The following MIS18BP1 variants were observed in gnomAD, a reference collection of about 807,000 sequenced individuals.
MIS18BP1 encodes the protein mis18-binding protein 1.
In MIS18BP1, 72 loss-of-function variants were observed where a neutral mutation model predicts 116.1. That is an observed-to-expected ratio of 0.62 (90% CI 0.51 to 0.75). MIS18BP1 has a LOEUF of 0.75. Ranked by LOEUF, MIS18BP1 falls within the 30% of genes least tolerant of loss-of-function variation. MIS18BP1 has a pLI of 0.00. For missense variants in MIS18BP1, 1,363 were observed against 1,303.2 expected, an observed-to-expected ratio of 1.05 and a Z score of -0.71; for synonymous variants, 386 against 427.0, an observed-to-expected ratio of 0.90 and a Z score of 1.18.
intron 13 of MIS18BP1, among the ~76,000 whole-genome samples, chr14:45,214,442 A>G (rs574005342): frequency 1.3e-5 from 2 of 152,072 alleles, no homozygotes; most frequent in African/African-American, 2.4e-5. Flanking sequence ...TCTCCCCACT[A>G]TTACCCTACT....
intron 13 of MIS18BP1, among the ~76,000 whole-genome samples, chr14:45,212,166 G>C (rs1890691826): frequency 6.6e-6 from 1 of 152,122 alleles, no homozygotes; most frequent in Admixed American, 6.6e-5. Flanking sequence ...TCTTAACTGG[G>C]GATTTGTTTG....
At position 45,219,632 on chromosome 14, in the gene MIS18BP1, A is replaced by C. The variant is rs532780593; in HGVS notation, c.2670-1178T>G. On this transcript the variant is annotated intron_variant, in intron 11 of 16. Transcript: ENST00000310806. The stretch of plus-strand genomic sequence containing the variant: ...TAAAATTCTCCAAAATTTAACAATC[A>C]GCTCTTGTGAACAGCTACCAGCTGA... Among the ~76,000 whole-genome samples the C allele has an allele frequency of 4.0e-5, 6 of 151,610 alleles. No individual in the cohort carries two copies. In the East Asian group the frequency reaches 1.2e-3, roughly 29 times the overall value.
intron 13 of MIS18BP1, among the ~76,000 whole-genome samples, chr14:45,213,092 C>T (rs961518680): frequency 3.9e-5 from 6 of 152,170 alleles, no homozygotes; most frequent in Non-Finnish European, 7.3e-5. Flanking sequence ...AAAATGGAGA[C>T]GGAGTCTCCC....
chr14:45,205,653 C>T (rs1431010738), intron 15 of MIS18BP1, among the ~76,000 whole-genome samples: 1 of 151,998 alleles, frequency 6.6e-6, no homozygotes, highest in African/African-American at 2.4e-5. Flanking sequence ...AATTAAGTAG[C>T]TAAATCTGAA....
At chr14:45,222,332 T>C (rs1209029305) in intron 11 of MIS18BP1, among the ~76,000 whole-genome samples, 2 of 152,206 alleles carry the variant, frequency 1.3e-5, no homozygotes, top group East Asian at 1.9e-4. Flanking sequence ...TTTGGGCTAT[T>C]TGATTTTCCA....
At chr14:45,248,681 A>T (rs1016722289) in intron 1 of MIS18BP1, among the ~76,000 whole-genome samples, 6 of 152,200 alleles carry the variant, frequency 3.9e-5, no homozygotes, top group African/African-American at 9.7e-5. Flanking sequence ...ACAAAGTATT[A>T]TTTAATCCAA....
intron 15 of MIS18BP1, among the ~76,000 whole-genome samples, chr14:45,205,665 AAC>A (rs1890494923): frequency 6.6e-6 from 1 of 152,228 alleles, no homozygotes; most frequent in South Asian, 2.1e-4. Context: ...AAATCTGAAA[AAC>A]ACCTGAAGCC....
intron 13 of MIS18BP1, among the ~76,000 whole-genome samples, chr14:45,214,425 C>A (rs1217270431): frequency 1.3e-5 from 2 of 152,182 alleles, no homozygotes; most frequent in African/African-American, 2.4e-5. Context: ...TGTTTTCCTG[C>A]TGACCCTCTC....
chr14:45,250,974 T>C (rs1046998235), intron 1 of MIS18BP1, among the ~76,000 whole-genome samples: 22 of 149,578 alleles, frequency 1.5e-4, no homozygotes, highest in Admixed American at 8.7e-4. Flanking sequence ...GAGGCGGAGC[T>C]TGCAGTGAGC....
At chr14:45,251,131 T>A (rs1891863291) in intron 1 of MIS18BP1, among the ~76,000 whole-genome samples, 1 of 151,636 alleles carries the variant, frequency 6.6e-6, no homozygotes, top group Non-Finnish European at 1.5e-5. Flanking sequence ...AGTGGTCCCA[T>A]AAGATTATTT....
At chr14:45,246,042 C>G (rs912004629) in intron 2 of MIS18BP1, among the ~76,000 whole-genome samples, 2 of 152,224 alleles carry the variant, frequency 1.3e-5, no homozygotes, top group African/African-American at 4.8e-5. Flanking sequence ...CACCGGCTGT[C>G]ATCTGGCTTA....
At chr14:45,204,317 G>A in intron 16 of MIS18BP1, 82 bp downstream of exon 16, 1 of 1,536,390 alleles carries the variant, frequency 6.5e-7, no homozygotes. Flanking sequence ...CCACTTGAGA[G>A]CAATTAATTT....
At chr14:45,235,207 CAAA>C (rs201225566) in intron 6 of MIS18BP1, among the ~76,000 whole-genome samples, 1 of 95,724 alleles carries the variant, frequency 1.0e-5, no homozygotes, top group Admixed American at 1.1e-4. Context: ...ACTCCATCTC[CAAA>C]AAAAAAAAAA....
At chr14:45,227,996 G>C (rs889870840) in intron 8 of MIS18BP1, among the ~76,000 whole-genome samples, 182 bp from the exon 9 acceptor site, 3 of 152,118 alleles carry the variant, frequency 2.0e-5, no homozygotes, top group African/African-American at 7.2e-5. Flanking sequence ...AGGCAAAATA[G>C]TGATACACTG....
Position 45,242,528 on chromosome 14 carries a change from A to G in MIS18BP1, c.659-10T>C. ...TTCAGAGTTGGAAGTTCTGCAAAAA[A>G]TACAAAACAAAACAAAACAAAACAA... is the stretch of plus-strand genomic sequence containing the variant. On this transcript the variant is annotated splice_polypyrimidine_tract_variant and intron_variant, in intron 3 of 16. Coordinates refer to ENST00000310806, the MANE Select transcript of MIS18BP1 (RefSeq NM_018353.5). 1 of 1,563,822 alleles carries G rather than the reference A, an allele frequency of 6.4e-7. No individual in the cohort carries two copies.
chr14:45,249,002 C>T (rs1566824811), intron 1 of MIS18BP1, among the ~76,000 whole-genome samples: 2 of 151,686 alleles, frequency 1.3e-5, no homozygotes, highest in South Asian at 2.1e-4. Flanking sequence ...AAATCCTGGG[C>T]TCAAGCAATC....
intron 2 of MIS18BP1, among the ~76,000 whole-genome samples, chr14:45,244,795 T>C (rs375932539): frequency 6.6e-6 from 1 of 152,230 alleles, no homozygotes; most frequent in Non-Finnish European, 1.5e-5. Flanking sequence ...TTCAAATTAT[T>C]TGTGAAGTCA....
At position 45,247,377 on chromosome 14, in the gene MIS18BP1, C is replaced by T. The variant is rs1030047645; in HGVS notation, c.-91G>A. Reference sequence around the variant, plus strand: ...GAACTTCAGAAGGGATCCACAGAAACCTGTAGTTCAACGTAAAATCAGCCT... The same window carrying T: ...GAACTTCAGAAGGGATCCACAGAAATCTGTAGTTCAACGTAAAATCAGCCT... On this transcript the variant is annotated splice_region_variant and 5_prime_UTR_variant, in exon 2 of 17. Coordinates refer to ENST00000310806, the MANE Select transcript of MIS18BP1 (RefSeq NM_018353.5). 1.6e-5 allele frequency: 17 copies of T among 1,093,956 alleles called. No homozygotes were observed. In the East Asian group the frequency reaches 4.0e-4, roughly 25 times the overall value. 67.8% of individuals were successfully genotyped at this position (1,093,956 alleles called of 1,614,324 possible).
intron 5 of MIS18BP1, among the ~76,000 whole-genome samples, chr14:45,237,044 C>A: frequency 6.8e-6 from 1 of 146,402 alleles, no homozygotes; most frequent in African/African-American, 2.5e-5. Flanking sequence ...GACAGAGTCT[C>A]GCTCTGTCAC....
Sources: allele counts gnomAD v4.1 joint callset (sites outside exome capture counted in the v4.1 genomes callset), GRCh38; gene constraint gnomAD v4.1.1; transcripts MANE v1.5; gene names NCBI Gene and HGNC (gene_info 2026-07-23, HGNC 2026-07-21).